MYPN: variants seen among roughly 807,000 people sequenced by gnomAD.
The protein encoded by MYPN is myopalladin.
In MYPN, 63 loss-of-function variants were observed where a neutral mutation model predicts 129.4. The observed-to-expected ratio is 0.49, with a 90% CI of 0.40 to 0.60. The LOEUF (loss-of-function observed/expected upper bound fraction) is 0.60. Among genes scored for constraint, MYPN ranks in the 20% least tolerant of loss-of-function variants. MYPN has a pLI of 0.00. For missense variants in MYPN, 1,596 were observed against 1,635.4 expected (o/e 0.98, Z 0.42); for synonymous variants, 629 against 600.9 (o/e 1.05, Z -0.68).
upstream of MYPN, among the ~76,000 whole-genome samples, chr10:68,101,875 GTTATCC>G (rs1387785418): frequency 1.3e-5 from 2 of 151,654 alleles, no homozygotes; most frequent in East Asian, 1.9e-4. Context: ...TTTTATACTT[GTTATCC>G]TTATCTTAAG....
At chr10:68,178,198 C>G (rs1474829665) in intron 12 of MYPN, among the ~76,000 whole-genome samples, 2 of 152,174 alleles carry the variant, frequency 1.3e-5, no homozygotes, top group Non-Finnish European at 2.9e-5. Context: ...AGGTGCCATC[C>G]TTTCAGAGGC....
chr10:68,193,025 T>A (rs1036095364), intron 13 of MYPN, among the ~76,000 whole-genome samples: 1 of 152,166 alleles, frequency 6.6e-6, no homozygotes, highest in Non-Finnish European at 1.5e-5. Flanking sequence ...TTCATTGATT[T>A]CTGCTCTGTA....
chr10:68,153,218 C>T (rs375185035), intron 6 of MYPN, among the ~76,000 whole-genome samples: 1 of 152,186 alleles, frequency 6.6e-6, no homozygotes. Flanking sequence ...ACTCCGATCT[C>T]AGGTAATCCG....
At chr10:68,115,131 C>T (rs542580563) in intron 1 of MYPN, among the ~76,000 whole-genome samples, 183 of 151,902 alleles carry the variant, frequency 1.2e-3, no homozygotes, top group African/African-American at 3.9e-3. Flanking sequence ...TGGTGGCACG[C>T]GCCTGGAATC....
At chr10:68,101,791 T>C (rs2041983059), upstream of MYPN, among the ~76,000 whole-genome samples, 1 of 152,112 alleles carries the variant, frequency 6.6e-6, no homozygotes, top group African/African-American at 2.4e-5. Flanking sequence ...CATTTCTTCC[T>C]TTTTGTTTCT....
At chr10:68,135,796 A>G (rs1418187035) in intron 2 of MYPN, among the ~76,000 whole-genome samples, 1 of 152,248 alleles carries the variant, frequency 6.6e-6, no homozygotes, top group Non-Finnish European at 1.5e-5. Flanking sequence ...AAAACAAATG[A>G]GATAATTTTA....
Position 68,141,786 on chromosome 10 carries a change from G to A in MYPN, c.903-1154G>A, listed in dbSNP as rs539992079. Among the ~76,000 whole-genome samples the A allele has an allele frequency of 1.7e-4, 26 of 152,192 alleles. No homozygotes were observed. In the South Asian group the frequency reaches 4.8e-3, roughly 28 times the overall value. ...AACTTCCACATATCTATGGTGGGGC[G>A]ACATAATGAAACCCGTAAACCCCAT... On this transcript the variant is annotated intron_variant, in intron 2 of 19. Coordinates refer to ENST00000358913, the MANE Select transcript of MYPN (RefSeq NM_032578.4).
chr10:68,142,500 A>T (rs1319999590), intron 2 of MYPN, among the ~76,000 whole-genome samples: 1 of 152,222 alleles, frequency 6.6e-6, no homozygotes, highest in Non-Finnish European at 1.5e-5. Context: ...ATTTTCATTT[A>T]GTTAGGTCAG....
At chr10:68,091,719 G>GTT (rs58191983) in intron 1 of MYPN, among the ~76,000 whole-genome samples, 2 of 148,680 alleles carry the variant, frequency 1.3e-5, no homozygotes, top group East Asian at 3.9e-4. Flanking sequence ...AAATTTGCTC[G>GTT]TTTTTTTTTT....
intron 6 of MYPN, among the ~76,000 whole-genome samples, chr10:68,157,542 G>C (rs1184447988): frequency 6.6e-6 from 1 of 151,672 alleles, no homozygotes; most frequent in Admixed American, 6.6e-5. Flanking sequence ...CTTAAGAACA[G>C]AGGTACTGAG....
Position 68,174,507 on chromosome 10 carries a change from C to T in MYPN, c.2415C>T (p.Asn805=), listed in dbSNP as rs557103344. 2 of 1,614,128 alleles carry T rather than the reference C, an allele frequency of 1.2e-6. No homozygotes were observed. Among genetic ancestry groups the T allele is most frequent in the Admixed American group, 1.7e-5 (1 of 60,016 alleles). The change falls in exon 11 of 20, where the codon AAC becomes AAT. Residue 805 remains asparagine (N), a synonymous_variant. Transcript: ENST00000358913. ...PPFTFSIPSG[N]QFQPRCVSPI... ...TCACATTTTCCATCCCCAGCGGAAA[C>T]CAGTTTCAGCCCCGCTGTGTGTCCC...
intron 6 of MYPN, among the ~76,000 whole-genome samples, chr10:68,152,571 A>G (rs2042790726): frequency 6.6e-6 from 1 of 152,214 alleles, no homozygotes; most frequent in South Asian, 2.1e-4. Flanking sequence ...CATAGAGGCA[A>G]CAATAGGTAA....
At chr10:68,155,192 C>T (rs1256754944) in intron 6 of MYPN, among the ~76,000 whole-genome samples, 1 of 151,680 alleles carries the variant, frequency 6.6e-6, no homozygotes, top group Non-Finnish European at 1.5e-5. Flanking sequence ...GAAAACAAAA[C>T]AACAAAAAAC....
chr10:68,091,644 A>T (rs931011734), intron 1 of MYPN, among the ~76,000 whole-genome samples: 1 of 151,366 alleles, frequency 6.6e-6, no homozygotes, highest in African/African-American at 2.4e-5. Context: ...ATCTGCCCCC[A>T]CTTAGCCTCC....
chr10:68,153,078 T>G (rs763568178), intron 6 of MYPN, among the ~76,000 whole-genome samples: 4 of 151,652 alleles, frequency 2.6e-5, no homozygotes, highest in African/African-American at 4.9e-5. Flanking sequence ...CTTTGCCTCC[T>G]GGGTTCAAGC....
At chr10:68,183,893 A>G (rs1432588651) in intron 12 of MYPN, among the ~76,000 whole-genome samples, 1 of 152,182 alleles carries the variant, frequency 6.6e-6, no homozygotes, top group Non-Finnish European at 1.5e-5. Flanking sequence ...ATGATGGTGC[A>G]TACCTGTGGT....
upstream of MYPN, among the ~76,000 whole-genome samples, chr10:68,107,062 T>G (rs74143015): frequency 0.063 from 9,562 of 152,300 alleles, 378 homozygotes; most frequent in African/African-American, 0.1. Context: ...AGTAGGTTTG[T>G]GATATAATGT....
At chr10:68,209,671 C>CTTTTTTTTTTTTTTTGTTTTT (rs2043873958) in intron 19 of MYPN, among the ~76,000 whole-genome samples, 1 of 131,236 alleles carries the variant, frequency 7.6e-6, no homozygotes, top group Non-Finnish European at 1.6e-5. Context: ...GAATTCTTTT[C>CTTTTTTTTTTTTTTTGTTTTT]TTTTTTTTTT....
intron 1 of MYPN, among the ~76,000 whole-genome samples, chr10:68,100,609 G>A (rs74143009): frequency 0.073 from 11,048 of 152,222 alleles, 583 homozygotes; most frequent in East Asian, 0.21. Flanking sequence ...CAAAGGTTGG[G>A]CAAAGGTAGT....
Sources: gnomAD v4.1 joint callset for allele counts (sites outside exome capture counted in the v4.1 genomes callset) on GRCh38, gnomAD v4.1.1 for gene constraint, MANE v1.5 for transcripts, NCBI Gene and HGNC (gene_info 2026-07-23, HGNC 2026-07-21) for gene names.